Variants in ZMYND11 observed in about 807,000 individuals in gnomAD.
ZMYND11 encodes the protein zinc finger MYND-type containing 11.
ZMYND11 carries 9 observed loss-of-function variants against 84.9 expected under a neutral mutation model. That is an observed-to-expected ratio of 0.11 (90% CI 0.06 to 0.18). The LOEUF (loss-of-function observed/expected upper bound fraction) is 0.18. Among genes scored for constraint, ZMYND11 ranks in the 10% least tolerant of loss-of-function variants. The pLI, the probability that ZMYND11 is intolerant of heterozygous loss-of-function variation, is 1.00. For missense variants in ZMYND11, 409 were observed against 761.0 expected, an observed-to-expected ratio of 0.54 and a Z score of 5.44; for synonymous variants, 250 against 244.1, an observed-to-expected ratio of 1.02 and a Z score of -0.23.
intron 1 of ZMYND11, among the ~76,000 whole-genome samples, chr10:175,314 C>T (rs1846347351): frequency 6.6e-6 from 1 of 152,074 alleles, no homozygotes; most frequent in South Asian, 2.1e-4. Context: ...AAGTAATTCT[C>T]CCCAGCACTT....
intron 4 of ZMYND11, among the ~76,000 whole-genome samples, chr10:228,376 TAAGG>T (rs1172235531): frequency 6.6e-6 from 1 of 152,240 alleles, no homozygotes; most frequent in Non-Finnish European, 1.5e-5. Flanking sequence ...ATTTTCACTC[TAAGG>T]GATTGAGAAG....
At chr10:237,203 A>G (rs1174868602) in intron 5 of ZMYND11, among the ~76,000 whole-genome samples, 1 of 152,226 alleles carries the variant, frequency 6.6e-6, no homozygotes, top group East Asian at 1.9e-4. Flanking sequence ...ATTTTCATTG[A>G]TGATGACTCT....
At chr10:147,434 A>G (rs1839159149) in intron 1 of ZMYND11, among the ~76,000 whole-genome samples, 1 of 151,886 alleles carries the variant, frequency 6.6e-6, no homozygotes, top group African/African-American at 2.4e-5. Context: ...ATTGAGCTCT[A>G]CTTTTTAAAA....
At chr10:161,053 T>G (rs554560877) in intron 1 of ZMYND11, among the ~76,000 whole-genome samples, 1 of 150,532 alleles carries the variant, frequency 6.6e-6, no homozygotes, top group Non-Finnish European at 1.5e-5. Context: ...CCTTGAACTC[T>G]TCGGCTCAAG....
chr10:253,243 ACAAAAACAAAGC>A lies in ZMYND11; in HGVS notation c.*781_*792del, dbSNP rs1386219459. On this transcript the variant is annotated 3_prime_UTR_variant, in exon 15 of 15. Coordinates refer to ENST00000381604, the MANE Select transcript of ZMYND11 (RefSeq NM_001370100.5). ...ATGAGTGCTTGTAACAAAATAAACA[ACAAAAACAAAGC>A]CAAAAACTACCTTTATCCATATGTG... 6.6e-6 allele frequency: 1 copy of A among 152,604 alleles called. No individual in the cohort carries two copies. The highest frequency in any genetic ancestry group is 2.4e-5 in the African/African-American group (1 of 41,454). The allele number at this position is 152,604 out of a possible 1,614,324, so 9.5% of individuals were successfully genotyped here.
intron 4 of ZMYND11, among the ~76,000 whole-genome samples, chr10:235,741 G>A (rs141802258): frequency 1.4e-4 from 22 of 152,346 alleles, no homozygotes; most frequent in Non-Finnish European, 3.1e-4. Context: ...CACTGACTGC[G>A]TTGCCAGAGA....
chr10:203,349 T>A (rs1016873506), intron 2 of ZMYND11, among the ~76,000 whole-genome samples: 64 of 150,840 alleles, frequency 4.2e-4, no homozygotes, highest in African/African-American at 7.8e-4. Context: ...AATTCCATTT[T>A]AAAAAAAAAC....
intron 1 of ZMYND11, among the ~76,000 whole-genome samples, chr10:149,937 C>T (rs1232386452): frequency 6.6e-6 from 1 of 152,162 alleles, no homozygotes; most frequent in Non-Finnish European, 1.5e-5. Flanking sequence ...TATGTTGAAC[C>T]AACCTTGCAT....
At chr10:234,858 T>A (rs960357389) in intron 4 of ZMYND11, among the ~76,000 whole-genome samples, 1 of 152,214 alleles carries the variant, frequency 6.6e-6, no homozygotes, top group African/African-American at 2.4e-5. Flanking sequence ...AGTAGCTGAT[T>A]GATTGTGCTT....
In ZMYND11 at chr10:238,359, TTTTC is replaced by T. The variant is rs560119286; in HGVS notation, c.609+686_609+689del. 2.8e-4 allele frequency among the ~76,000 whole-genome samples: 42 copies of T among 149,066 alleles called. No homozygotes were observed. In the South Asian group the frequency reaches 8.0e-3, roughly 28 times the overall value. On this transcript the variant is annotated intron_variant, in intron 6 of 14. Transcript: ENST00000381604. The stretch of plus-strand genomic sequence containing the variant: ...AATTTTAAATCATCTTACAAGTTTC[TTTTC>T]TTTTTTTTTTTGAGACGGAGTCTCA...
intron 1 of ZMYND11, among the ~76,000 whole-genome samples, chr10:149,971 C>T (rs1839919050): frequency 6.6e-6 from 1 of 152,118 alleles, no homozygotes; most frequent in Non-Finnish European, 1.5e-5. Flanking sequence ...CCCACTTGAT[C>T]ATGGTGGATA....
At chr10:160,675 G>T (rs561886498) in intron 1 of ZMYND11, among the ~76,000 whole-genome samples, 3 of 152,226 alleles carry the variant, frequency 2.0e-5, no homozygotes, top group Admixed American at 2.0e-4. Flanking sequence ...TGTCATTTCA[G>T]CAATGTTCAC....
chr10:250,890 G>A (rs1953321075), intron 14 of ZMYND11, among the ~76,000 whole-genome samples: 1 of 152,220 alleles, frequency 6.6e-6, no homozygotes, highest in Admixed American at 6.5e-5. Flanking sequence ...GGGCGTGGTG[G>A]TGTGTGCCTG....
chr10:223,032 CTTT>C (rs11362687), intron 4 of ZMYND11, among the ~76,000 whole-genome samples: 1 of 144,188 alleles, frequency 6.9e-6, no homozygotes, highest in Non-Finnish European at 1.5e-5. Context: ...TTCCTTTACT[CTTT>C]TTTTTTTTTT....
At chr10:204,739 G>A (rs865833262) in intron 2 of ZMYND11, among the ~76,000 whole-genome samples, 33 of 152,158 alleles carry the variant, frequency 2.2e-4, no homozygotes, top group Middle Eastern at 3.4e-3. Context: ...GCCTTTCAAC[G>A]TGTTATCAAA....
At chr10:228,317 A>G (rs1290673592) in intron 4 of ZMYND11, among the ~76,000 whole-genome samples, 2 of 152,158 alleles carry the variant, frequency 1.3e-5, no homozygotes, top group Non-Finnish European at 2.9e-5. Context: ...GGCCTTTGTG[A>G]TCTATGTTTT....
chr10:132,712 C>T (rs1476392650), upstream of ZMYND11, among the ~76,000 whole-genome samples: 1 of 152,182 alleles, frequency 6.6e-6, no homozygotes, highest in Non-Finnish European at 1.5e-5. Flanking sequence ...TATTACCTTA[C>T]ACACACTATA....
intron 6 of ZMYND11, among the ~76,000 whole-genome samples, chr10:238,873 A>T (rs1332670660): frequency 6.6e-6 from 1 of 152,146 alleles, no homozygotes; most frequent in South Asian, 2.1e-4. Flanking sequence ...CACTGCCTTT[A>T]CTCATGCAGG....
intron 1 of ZMYND11, among the ~76,000 whole-genome samples, chr10:174,695 T>G (rs1846155421): frequency 6.6e-6 from 1 of 151,478 alleles, no homozygotes; most frequent in Non-Finnish European, 1.5e-5. Context: ...CATACATTGG[T>G]CAAAACCCAT....
Sources: allele counts gnomAD v4.1 joint callset (sites outside exome capture counted in the v4.1 genomes callset), GRCh38; gene constraint gnomAD v4.1.1; transcripts MANE v1.5; gene names NCBI Gene and HGNC (gene_info 2026-07-23, HGNC 2026-07-21).